Variants in OPRM1 observed in about 807,000 individuals in gnomAD.
OPRM1 encodes opioid receptor mu 1.
Under a neutral mutation model 31.8 loss-of-function variants are expected in OPRM1, and 27 were observed. That is an observed-to-expected ratio of 0.85 (90% CI 0.63 to 1.17). The LOEUF (loss-of-function observed/expected upper bound fraction) is 1.17. Among genes scored for constraint, OPRM1 ranks in the 50% most tolerant of loss-of-function variants. OPRM1 has a pLI of 0.00. For synonymous variants in OPRM1, 196 were observed against 189.9 expected, an observed-to-expected ratio of 1.03 and a Z score of -0.26; for missense variants, 536 against 511.1, an observed-to-expected ratio of 1.05 and a Z score of -0.47.
rs1163331795 is a variant in OPRM1, at chr6:154,127,718, A to T, written c.*8997A>T. On this transcript the variant is annotated 3_prime_UTR_variant, in exon 4 of 4. Coordinates refer to ENST00000330432, the MANE Select transcript of OPRM1 (RefSeq NM_000914.5). Reference sequence around the variant, plus strand: ...CTCCAATATCCTGACTAGCACAAGAAATCCATAGGTTGATTCTTGTTCTCC... The same window carrying T: ...CTCCAATATCCTGACTAGCACAAGATATCCATAGGTTGATTCTTGTTCTCC... Among the ~76,000 whole-genome samples the T allele has an allele frequency of 6.6e-6, 1 of 152,270 alleles. No homozygotes were observed. The highest frequency in any genetic ancestry group is 2.4e-5 in the African/African-American group (1 of 41,482).
rs1364454527 is a variant in OPRM1, at chr6:154,010,779, G to A, written c.-240G>A. The A allele has an allele frequency of 2.1e-6, 3 of 1,413,070 alleles. No individual in the cohort carries two copies. In the African/African-American group the frequency reaches 4.3e-5, roughly 20 times the overall value. 87.5% of individuals were successfully genotyped at this position (1,413,070 alleles called of 1,614,324 possible). On this transcript the variant is annotated 5_prime_UTR_variant, in exon 1 of 6. Coordinates refer to the OPRM1 transcript ENST00000434900. ...CCTACAAACAAGAGAATTCGGTCAA[G>A]TGGATGTGGCAGAACTGGGCTGCTC... is the stretch of plus-strand genomic sequence containing the variant.
chr6:154,092,967 A>T (rs903009790), intron 3 of OPRM1, among the ~76,000 whole-genome samples: 1 of 152,180 alleles, frequency 6.6e-6, no homozygotes, highest in Non-Finnish European at 1.5e-5. Flanking sequence ...CCACATCAAG[A>T]CTGCTAAACC....
chr6:154,011,523 G>A (rs926003257), intron 1 of OPRM1, among the ~76,000 whole-genome samples: 1 of 152,124 alleles, frequency 6.6e-6, no homozygotes, highest in African/African-American at 2.4e-5. Context: ...ACACCTATAT[G>A]CATGTGTATT....
Position 154,118,931 on chromosome 6 carries a change from C to T in OPRM1, c.*210C>T. 2.2e-6 allele frequency: 3 copies of T among 1,352,730 alleles called. No homozygotes were observed. The South Asian group carries it at 5.9e-5, about 26-fold the overall frequency. 83.8% of individuals were successfully genotyped at this position (1,352,730 alleles called of 1,614,324 possible). ...GAGCATTTGGAAGGAAAGGAATATA[C>T]CACACCGAGGAGTCCAGTTTGTGCA... On this transcript the variant is annotated 3_prime_UTR_variant, in exon 4 of 4. Transcript: ENST00000330432.
intron 3 of OPRM1, among the ~76,000 whole-genome samples, chr6:154,195,919 GT>G (rs751819417): frequency 1.3e-4 from 20 of 151,606 alleles, no homozygotes; most frequent in Non-Finnish European, 2.8e-4. Context: ...AGCCTCTAGA[GT>G]AGCTGGGATT....
intron 1 of OPRM1, among the ~76,000 whole-genome samples, chr6:154,032,177 A>G (rs1053650039): frequency 6.6e-6 from 1 of 152,224 alleles, no homozygotes; most frequent in Non-Finnish European, 1.5e-5. Flanking sequence ...AATGTGGGAA[A>G]GGCAGTGAGA....
chr6:154,111,403 G>A (rs867451097), intron 3 of OPRM1, among the ~76,000 whole-genome samples: 1 of 152,104 alleles, frequency 6.6e-6, no homozygotes. Flanking sequence ...AACTTTGAAT[G>A]GCATCACAAA....
At chr6:154,090,832 T>C in intron 2 of OPRM1, 120 bp from the exon 3 acceptor site, 1 of 818,880 alleles carries the variant, frequency 1.2e-6, no homozygotes, top group Non-Finnish European at 1.9e-6. Context: ...CACAATTTCT[T>C]TATAGCCTTA....
chr6:154,229,555 G>T, intron 3 of OPRM1, among the ~76,000 whole-genome samples: 1 of 151,334 alleles, frequency 6.6e-6, no homozygotes, highest in East Asian at 1.9e-4. Flanking sequence ...GATGGGGTTC[G>T]CCGTGTTAGC....
intron 1 of OPRM1, among the ~76,000 whole-genome samples, chr6:154,054,447 A>AGTAAGT (rs1782833786): frequency 6.6e-6 from 1 of 151,774 alleles, no homozygotes; most frequent in South Asian, 2.1e-4. Flanking sequence ...CCTGGGCATA[A>AGTAAGT]GTAAGTGTAA....
intron 3 of OPRM1, among the ~76,000 whole-genome samples, chr6:154,104,768 T>C (rs568342166): frequency 6.6e-6 from 1 of 152,228 alleles, no homozygotes; most frequent in Non-Finnish European, 1.5e-5. Context: ...ACATAAGCTC[T>C]TTTTAAATTG....
chr6:154,236,374 G>C (rs1454778214), intron 3 of OPRM1, among the ~76,000 whole-genome samples: 2 of 152,166 alleles, frequency 1.3e-5, no homozygotes, highest in East Asian at 3.8e-4. Flanking sequence ...GGAGAATGGT[G>C]GTTGCCAGGG....
At chr6:154,043,047 C>G (rs1249779110) in intron 1 of OPRM1, among the ~76,000 whole-genome samples, 1 of 152,204 alleles carries the variant, frequency 6.6e-6, no homozygotes, top group South Asian at 2.1e-4. Flanking sequence ...AATATAATCC[C>G]AGATGTGTTT....
Position 154,089,893 on chromosome 6 carries a change from A to G in OPRM1, c.358A>G (p.Thr120Ala). ...CCTTGCTCTGGCAGATGCCTTAGCC[A>G]CCAGTACCCTGCCCTTCCAGAGTGT... ...FNLALADALA[T>A]STLPFQSVNY... Residue 120 changes from threonine (T) to alanine (A), a missense_variant, in exon 2 of 4, where the codon ACC becomes GCC. Thr to Ala is a moderately conservative substitution (Grantham distance 58, BLOSUM62 0). Transcript: ENST00000330432. The G allele has an allele frequency of 2.5e-6, 4 of 1,614,160 alleles. No individual in the cohort carries two copies. The South Asian group carries it at 4.4e-5, about 18-fold the overall frequency.
At chr6:154,027,158 G>C (rs922453280) in intron 1 of OPRM1, among the ~76,000 whole-genome samples, 3 of 152,192 alleles carry the variant, frequency 2.0e-5, no homozygotes, top group African/African-American at 7.2e-5. Context: ...AGATGTATCT[G>C]CTTTAGGGAG....
intron 3 of OPRM1, chr6:154,200,134 G>T: frequency 8.5e-7 from 1 of 1,178,674 alleles, no homozygotes; most frequent in Non-Finnish European, 1.2e-6. Flanking sequence ...GTGTCCCCGT[G>T]TTATTTCAAA....
At chr6:154,044,843 A>T (rs1583203946) in intron 1 of OPRM1, among the ~76,000 whole-genome samples, 1 of 152,238 alleles carries the variant, frequency 6.6e-6, no homozygotes, top group Non-Finnish European at 1.5e-5. Flanking sequence ...CGTTTAAGGC[A>T]GTAGTTGAAA....
At chr6:154,041,916 T>G (rs939996131) in intron 1 of OPRM1, among the ~76,000 whole-genome samples, 7 of 152,138 alleles carry the variant, frequency 4.6e-5, no homozygotes, top group African/African-American at 1.7e-4. Context: ...GCCAATAGAG[T>G]GGCAACTGGC....
At chr6:154,223,470 A>G (rs1779020926) in intron 3 of OPRM1, among the ~76,000 whole-genome samples, 1 of 152,178 alleles carries the variant, frequency 6.6e-6, no homozygotes, top group African/African-American at 2.4e-5. Flanking sequence ...GTGGCATGAC[A>G]TGACACAGCT....
Sources: allele counts gnomAD v4.1 joint callset (sites outside exome capture counted in the v4.1 genomes callset), GRCh38; gene constraint gnomAD v4.1.1; transcripts MANE v1.5; gene names NCBI Gene and HGNC (gene_info 2026-07-23, HGNC 2026-07-21).